The following EPHA5 variants were observed in gnomAD, a reference collection of about 807,000 sequenced individuals.
The protein encoded by EPHA5 is EPH receptor A5.
In EPHA5, 60 loss-of-function variants were observed where a neutral mutation model predicts 105.0. That is an observed-to-expected ratio of 0.57 (90% CI 0.46 to 0.71). The LOEUF (loss-of-function observed/expected upper bound fraction) is 0.71. Ranked by LOEUF, EPHA5 falls within the 30% of genes least tolerant of loss-of-function variation. EPHA5 has a pLI of 0.00. For synonymous variants in EPHA5, 513 were observed against 449.1 expected (o/e 1.14, Z -1.80); for missense variants, 1,218 against 1,274.7 (o/e 0.96, Z 0.68).
intron 3 of EPHA5, among the ~76,000 whole-genome samples, chr4:65,586,723 C>G (rs1742160754): frequency 6.6e-6 from 1 of 151,764 alleles, no homozygotes; most frequent in Non-Finnish European, 1.5e-5. Flanking sequence ...ACTCAGGGTT[C>G]TTGGAAATCA....
intron 1 of EPHA5, among the ~76,000 whole-genome samples, chr4:65,650,246 GCCATATAACT>G (rs1748472308): frequency 1.3e-5 from 2 of 152,076 alleles, no homozygotes; most frequent in South Asian, 4.2e-4. Context: ...CGAGTGCAAT[GCCATATAACT>G]AGTTGCTCTG....
At chr4:65,536,357 T>A (rs912808445) in intron 3 of EPHA5, among the ~76,000 whole-genome samples, 6 of 151,968 alleles carry the variant, frequency 3.9e-5, no homozygotes, top group Non-Finnish European at 5.9e-5. Context: ...TTTTTAAAAA[T>A]CACCGCATTT....
intron 8 of EPHA5, among the ~76,000 whole-genome samples, chr4:65,379,665 G>T (rs1719365322): frequency 6.6e-6 from 1 of 151,646 alleles, no homozygotes. Context: ...CGATGTGACA[G>T]AATAGATTCT....
chr4:65,605,658 C>T (rs527555266), intron 2 of EPHA5, among the ~76,000 whole-genome samples: 15 of 151,828 alleles, frequency 9.9e-5, no homozygotes, highest in African/African-American at 3.4e-4. Flanking sequence ...GATTCTATAT[C>T]GAGAGTGATC....
chr4:65,364,880 A>G, intron 11 of EPHA5, 137 bp downstream of exon 11: 1 of 598,168 alleles, frequency 1.7e-6, no homozygotes, highest in Non-Finnish European at 2.5e-6. Flanking sequence ...ACAAAAATCT[A>G]CTAAAATACA....
chr4:65,456,811 T>C (rs1262035713), intron 5 of EPHA5, among the ~76,000 whole-genome samples: 1 of 152,080 alleles, frequency 6.6e-6, no homozygotes, highest in Admixed American at 6.6e-5. Flanking sequence ...TAGTAATACA[T>C]GAAAATTTTC....
chr4:65,336,209 T>G (rs944143128), intron 14 of EPHA5, 84 bp from the exon 15 acceptor site: 1 of 987,478 alleles, frequency 1.0e-6, no homozygotes, highest in African/African-American at 1.7e-5. Flanking sequence ...TGTCCAACTT[T>G]TATCCTTTCT....
rs1740447228 is a variant in EPHA5 at position 65,573,458 on chromosome 4, G to C, written c.910+28183C>G. ...AAAGAAGCTCTTTCCCATCTTGCAA[G>C]ATGGCGGGTGAAAAAGTTTAGAAGC... On this transcript the variant is annotated intron_variant, in intron 3 of 16. Coordinates refer to ENST00000613740, the MANE Select transcript of EPHA5 (RefSeq NM_001281766.3). 9 of 1,044,770 alleles carry C rather than the reference G, an allele frequency of 8.6e-6. No individual in the cohort carries two copies. In the South Asian group the frequency reaches 1.4e-4, roughly 16 times the overall value. 64.7% of individuals were successfully genotyped at this position (1,044,770 alleles called of 1,614,324 possible).
At chr4:65,338,963 C>T (rs1236099031) in intron 14 of EPHA5, among the ~76,000 whole-genome samples, 3 of 152,016 alleles carry the variant, frequency 2.0e-5, no homozygotes, top group African/African-American at 4.8e-5. Context: ...TTTGTTGATA[C>T]AGGTGGCTGA....
rs2149570984 is a variant in EPHA5, at chr4:65,669,607, G to A, written c.136C>T (p.Leu46=). Residue 46 remains leucine, a synonymous_variant, in exon 1 of 17, where the codon CTG becomes TTG. Coordinates refer to ENST00000613740, the MANE Select transcript of EPHA5 (RefSeq NM_001281766.3). ...AGGAGGGTCCGGAGTGCGGCGCACA[G>A]GAGAAGGCACGTCCAGAGGGGAGCC... The part of the protein sequence containing the change: ...RRAPLWTCLL[L]CAALRTLLAS... The A allele has an allele frequency of 7.0e-7, 1 of 1,436,938 alleles. No homozygotes were observed. The highest frequency in any genetic ancestry group is 9.2e-7 in the Non-Finnish European group (1 of 1,089,296). 89.0% of individuals were successfully genotyped at this position (1,436,938 alleles called of 1,614,324 possible).
At position 65,513,050 on chromosome 4, in the gene EPHA5, A is replaced by T. The variant is rs568090932; in HGVS notation, c.911-17507T>A. Among the ~76,000 whole-genome samples, 11 of 152,276 alleles carry T rather than the reference A, an allele frequency of 7.2e-5. No individual in the cohort carries two copies. The South Asian group carries it at 2.1e-3, about 29-fold the overall frequency. ...CCTGTAGAGAAAGAGGGAATCTCAAATTATTATGTGGTTTGGACAATTGAA... is the reference window on the plus strand; with the variant it reads ...CCTGTAGAGAAAGAGGGAATCTCAATTTATTATGTGGTTTGGACAATTGAA... On this transcript the variant is annotated intron_variant, in intron 3 of 16. Transcript: ENST00000613740.
chr4:65,491,518 A>G (rs1379430099), intron 4 of EPHA5, among the ~76,000 whole-genome samples: 1 of 152,118 alleles, frequency 6.6e-6, no homozygotes, highest in Non-Finnish European at 1.5e-5. Context: ...GAAAAGAAAT[A>G]GATTTAACAC....
At chr4:65,468,773 A>G (rs1729008114) in intron 5 of EPHA5, among the ~76,000 whole-genome samples, 1 of 150,028 alleles carries the variant, frequency 6.7e-6, no homozygotes, top group African/African-American at 2.5e-5. Flanking sequence ...GTACTAATAG[A>G]CAAGCTTTCA....
chr4:65,618,384 T>C (rs974911086), intron 2 of EPHA5, among the ~76,000 whole-genome samples: 1 of 152,064 alleles, frequency 6.6e-6, no homozygotes. Context: ...ACAAAGCATA[T>C]AATTATTGAA....
intron 11 of EPHA5, among the ~76,000 whole-genome samples, chr4:65,361,729 G>A (rs760882997): frequency 1.3e-5 from 2 of 151,652 alleles, no homozygotes; most frequent in Non-Finnish European, 3.0e-5. Flanking sequence ...GAAATAAAGA[G>A]AAAGACAGAG....
intron 3 of EPHA5, among the ~76,000 whole-genome samples, chr4:65,537,458 C>A (rs1481925583): frequency 6.6e-6 from 1 of 151,788 alleles, no homozygotes; most frequent in African/African-American, 2.4e-5. Flanking sequence ...CTTACCTACC[C>A]TATAGAATAT....
chr4:65,634,480 AATC>A (rs1169074011), intron 2 of EPHA5, among the ~76,000 whole-genome samples: 1 of 152,082 alleles, frequency 6.6e-6, no homozygotes, highest in African/African-American at 2.4e-5. Context: ...CCATGTGAGA[AATC>A]TAAATGCAAA....
At chr4:65,590,869 T>A (rs564081716) in intron 3 of EPHA5, among the ~76,000 whole-genome samples, 1 of 152,244 alleles carries the variant, frequency 6.6e-6, no homozygotes, top group South Asian at 2.1e-4. Flanking sequence ...TAATGCAGTA[T>A]ACAATTAAAA....
intron 5 of EPHA5, among the ~76,000 whole-genome samples, chr4:65,429,800 C>T (rs1197619397): frequency 6.6e-6 from 1 of 152,004 alleles, no homozygotes; most frequent in Non-Finnish European, 1.5e-5. Flanking sequence ...TACCATCTGA[C>T]ATGATTTCTT....
Sources: gnomAD v4.1 joint callset for allele counts (sites outside exome capture counted in the v4.1 genomes callset) on GRCh38, gnomAD v4.1.1 for gene constraint, MANE v1.5 for transcripts, NCBI Gene and HGNC (gene_info 2026-07-23, HGNC 2026-07-21) for gene names.